Variants in DLGAP2 observed in about 807,000 individuals in gnomAD.
The protein encoded by DLGAP2 is DLG associated protein 2, also known as disks large-associated protein 2.
A neutral mutation model predicts 100.3 loss-of-function variants in DLGAP2; 26 were observed. The ratio of observed to expected loss-of-function variants is 0.26; its 90% CI spans 0.19 to 0.36. The LOEUF (loss-of-function observed/expected upper bound fraction) is 0.36. Among genes scored for constraint, DLGAP2 ranks in the 10% least tolerant of loss-of-function variants. The pLI is 1.00. For synonymous variants in DLGAP2, 886 were observed against 630.1 expected (o/e 1.41, Z -6.08); for missense variants, 1,858 against 1,453.2 (o/e 1.28, Z -4.53).
chr8:1,007,049 G>T (rs937982688), intron 2 of DLGAP2, among the ~76,000 whole-genome samples: 2 of 151,984 alleles, frequency 1.3e-5, no homozygotes, highest in Non-Finnish European at 2.9e-5. Context: ...CCTTTATCAC[G>T]TTGGGGACAC....
chr8:1,172,373 C>T (rs1034605275), intron 2 of DLGAP2, among the ~76,000 whole-genome samples: 4 of 151,486 alleles, frequency 2.6e-5, no homozygotes, highest in Admixed American at 6.6e-5. Context: ...TGGAGTTGCT[C>T]TTCTCGAGGA....
intron 8 of DLGAP2, among the ~76,000 whole-genome samples, chr8:1,633,665 G>A (rs1797704531): frequency 6.6e-6 from 1 of 152,082 alleles, no homozygotes; most frequent in African/African-American, 2.4e-5. Flanking sequence ...TCTATAACAC[G>A]ATGAATACAC....
rs1262983730 is a variant in DLGAP2 at position 1,549,607 on chromosome 8, A to G, written c.1154A>G (p.Lys385Arg). The change falls in exon 5 of 15, where the codon AAG (lysine) becomes AGG (arginine). Residue 385 changes from lysine (K) to arginine (R), a missense_variant. Physicochemically the swap from Lys to Arg is conservative, Grantham distance 26. Coordinates refer to ENST00000637795, the MANE Select transcript of DLGAP2 (RefSeq NM_001346810.2). ...AGCCAGGCCAAGGAGGCCTACCGCAAGAGCTCGCTGAACCTGGACAAGCCG... is the reference window on the plus strand; with the variant it reads ...AGCCAGGCCAAGGAGGCCTACCGCAGGAGCTCGCTGAACCTGGACAAGCCG... ...TVSQAKEAYRKSSLNLDKPLL... is the reference protein window; with the variant it reads ...TVSQAKEAYRRSSLNLDKPLL... The G allele has an allele frequency of 1.7e-5, 27 of 1,597,468 alleles. No homozygotes were observed. In the Middle Eastern group the frequency reaches 6.6e-4, roughly 39 times the overall value.
chr8:1,292,801 A>C (rs1272928168), intron 3 of DLGAP2, among the ~76,000 whole-genome samples: 1 of 151,866 alleles, frequency 6.6e-6, no homozygotes, highest in Admixed American at 6.6e-5. Context: ...CTCTTCTCGG[A>C]ACGCCTTCCC....
At chr8:1,442,347 G>T (rs1226387208) in intron 3 of DLGAP2, among the ~76,000 whole-genome samples, 1 of 150,086 alleles carries the variant, frequency 6.7e-6, no homozygotes, top group Non-Finnish European at 1.5e-5. Flanking sequence ...ATGGATCCAG[G>T]CATAGACCCG....
chr8:1,254,176 C>G (rs897355862), intron 2 of DLGAP2, among the ~76,000 whole-genome samples: 1 of 152,174 alleles, frequency 6.6e-6, no homozygotes, highest in Admixed American at 6.5e-5. Context: ...CCTTGCAGGT[C>G]TCAGTCTGCC....
intron 3 of DLGAP2, among the ~76,000 whole-genome samples, chr8:1,379,342 C>A (rs1436470958): frequency 6.6e-6 from 1 of 152,242 alleles, no homozygotes; most frequent in Non-Finnish European, 1.5e-5. Context: ...TTTGCTAAGT[C>A]ATGTCCCTGG....
chr8:1,356,325 C>T (rs13253218), intron 3 of DLGAP2, among the ~76,000 whole-genome samples: 113,851 of 152,198 alleles, frequency 0.75, 43,031 homozygotes, highest in East Asian at 0.92. Flanking sequence ...ACGGTTTCAA[C>T]GTTTACAGGC....
At chr8:1,217,698 T>C (rs1798241000) in intron 2 of DLGAP2, among the ~76,000 whole-genome samples, 1 of 152,116 alleles carries the variant, frequency 6.6e-6, no homozygotes, top group Admixed American at 6.6e-5. Context: ...TAGTTCACAG[T>C]GGCTGAACTA....
At chr8:1,079,208 T>C (rs1000870664) in intron 2 of DLGAP2, among the ~76,000 whole-genome samples, 8 of 152,204 alleles carry the variant, frequency 5.3e-5, no homozygotes, top group African/African-American at 1.7e-4. Context: ...CTTGGTGAGG[T>C]GTCTCTTCAG....
intron 1 of DLGAP2, among the ~76,000 whole-genome samples, chr8:799,533 A>C (rs1466058829): frequency 1.3e-5 from 2 of 152,226 alleles, no homozygotes; most frequent in East Asian, 3.8e-4. Context: ...AACAGCGTCC[A>C]CATTATGACA....
intron 6 of DLGAP2, among the ~76,000 whole-genome samples, chr8:1,589,063 C>G (rs1796213453): frequency 6.6e-6 from 1 of 152,168 alleles, no homozygotes; most frequent in Non-Finnish European, 1.5e-5. Context: ...TCACACACAG[C>G]AATGAAAACT....
chr8:1,478,490 C>G (rs576568479), intron 3 of DLGAP2, among the ~76,000 whole-genome samples: 1 of 152,266 alleles, frequency 6.6e-6, no homozygotes, highest in Non-Finnish European at 1.5e-5. Flanking sequence ...ATTCTGGCCA[C>G]TCTTGCTCCA....
intron 1 of DLGAP2, among the ~76,000 whole-genome samples, chr8:756,327 G>T (rs1055315752): frequency 1.2e-4 from 18 of 152,108 alleles, no homozygotes; most frequent in Admixed American, 1.1e-3. Flanking sequence ...TGGGGCTGAC[G>T]GCAAAGACGA....
chr8:1,482,960 C>T (rs892484670), intron 3 of DLGAP2, among the ~76,000 whole-genome samples: 6 of 152,236 alleles, frequency 3.9e-5, no homozygotes, highest in African/African-American at 7.2e-5. Flanking sequence ...TCCCACAGCC[C>T]GGCCATCCTC....
chr8:895,149 G>C (rs189791458), intron 1 of DLGAP2, among the ~76,000 whole-genome samples: 29 of 151,976 alleles, frequency 1.9e-4, no homozygotes, highest in African/African-American at 6.8e-4. Flanking sequence ...TTTCAGAACA[G>C]CCAGAAGAGG....
intron 3 of DLGAP2, among the ~76,000 whole-genome samples, chr8:1,267,086 G>A (rs780066281): frequency 3.5e-4 from 53 of 151,810 alleles, no homozygotes; most frequent in Non-Finnish European, 5.6e-4. Flanking sequence ...AACAAAATTA[G>A]CCAGGCGTGG....
chr8:1,513,862 C>T (rs867878541), intron 4 of DLGAP2, among the ~76,000 whole-genome samples: 1 of 87,602 alleles, frequency 1.1e-5, no homozygotes, highest in Non-Finnish European at 2.6e-5. Context: ...CAATGGCGGT[C>T]GAACCTCAGA....
intron 1 of DLGAP2, among the ~76,000 whole-genome samples, chr8:900,932 G>C (rs1206814575): frequency 1.3e-5 from 2 of 152,150 alleles, no homozygotes; most frequent in African/African-American, 2.4e-5. Flanking sequence ...GAAGTATTTT[G>C]AACTTCCAAA....
Sources: allele counts gnomAD v4.1 joint callset (sites outside exome capture counted in the v4.1 genomes callset), GRCh38; gene constraint gnomAD v4.1.1; transcripts MANE v1.5; gene names NCBI Gene and HGNC (gene_info 2026-07-23, HGNC 2026-07-21).